GPR161: variants seen among roughly 807,000 people sequenced by gnomAD.
GPR161 encodes G-protein coupled receptor RE2.
A neutral mutation model predicts 39.2 loss-of-function variants in GPR161; 25 were observed. The ratio of observed to expected loss-of-function variants is 0.64; its 90% CI spans 0.47 to 0.89. The LOEUF (loss-of-function observed/expected upper bound fraction) is 0.89, where lower values mean the gene tolerates loss of function less well. Ranked by LOEUF, GPR161 falls within the 40% of genes least tolerant of loss-of-function variation. GPR161 has a pLI of 0.00. For synonymous variants in GPR161, 286 were observed against 276.6 expected, an observed-to-expected ratio of 1.03 and a Z score of -0.34; for missense variants, 547 against 677.8, an observed-to-expected ratio of 0.81 and a Z score of 2.14.
At chr1:168,120,084 A>G (rs1461684648) in intron 1 of GPR161, among the ~76,000 whole-genome samples, 1 of 152,216 alleles carries the variant, frequency 6.6e-6, no homozygotes, top group Non-Finnish European at 1.5e-5. Flanking sequence ...CCAGAAAGAT[A>G]GATCCACTGA....
chr1:168,107,142 A>G (rs1307980052), intron 1 of GPR161, among the ~76,000 whole-genome samples: 1 of 152,236 alleles, frequency 6.6e-6, no homozygotes, highest in African/African-American at 2.4e-5. Flanking sequence ...AATGAAATAA[A>G]GAGAGGAAAT....
At chr1:168,091,797 G>C (rs1695091514) in intron 3 of GPR161, among the ~76,000 whole-genome samples, 1 of 152,158 alleles carries the variant, frequency 6.6e-6, no homozygotes, top group African/African-American at 2.4e-5. Context: ...AAGGAACATG[G>C]AGATAACAAA....
intron 5 of GPR161, among the ~76,000 whole-genome samples, chr1:168,086,361 G>A (rs947597964): frequency 2.0e-5 from 3 of 152,198 alleles, no homozygotes; most frequent in African/African-American, 4.8e-5. Flanking sequence ...AGAAGTGAGA[G>A]GGGGGAGCCC....
intron 1 of GPR161, among the ~76,000 whole-genome samples, chr1:168,109,439 T>C (rs1696923540): frequency 2.0e-5 from 3 of 152,162 alleles, no homozygotes; most frequent in Non-Finnish European, 1.5e-5. Flanking sequence ...CAGAGGTTTT[T>C]AGGTGGCAGA....
intron 1 of GPR161, among the ~76,000 whole-genome samples, chr1:168,105,894 C>T (rs527656016): frequency 5.9e-5 from 9 of 152,356 alleles, no homozygotes; most frequent in Admixed American, 4.6e-4. Flanking sequence ...AAGGAAAGAT[C>T]GCTTTCCACG....
At chr1:168,107,708 T>G (rs537673906) in intron 1 of GPR161, among the ~76,000 whole-genome samples, 1 of 152,318 alleles carries the variant, frequency 6.6e-6, no homozygotes, top group African/African-American at 2.4e-5. Flanking sequence ...CACAGAAAGA[T>G]ATGCCCATGG....
Position 168,136,433 on chromosome 1 carries a change from G to A in GPR161, c.-45+306C>T, listed in dbSNP as rs1051818140. On this transcript the variant is annotated intron_variant, in intron 1 of 5. Coordinates refer to ENST00000682931, the MANE Select transcript of GPR161 (RefSeq NM_001375883.1). ...TTTAGGGGCTTCGGGCGGCGCCGGA[G>A]AAACGGGGCGGGCTGCACCCAGCAG... 12 of 1,353,214 alleles carry A rather than the reference G, an allele frequency of 8.9e-6. No homozygotes were observed. In the East Asian group the frequency reaches 2.1e-4, roughly 24 times the overall value. The allele number at this position is 1,353,214 out of a possible 1,614,324, so 83.8% of individuals were successfully genotyped here.
rs1276199500 is a variant in GPR161 at position 168,085,269 on chromosome 1, T to G, written c.*262A>C. On this transcript the variant is annotated 3_prime_UTR_variant, in exon 6 of 6. Transcript: ENST00000682931. ...CCACATCTCTAGATTTTTTTTTGGT[T>G]TTTTTTTTGCTTTAGATGCTTCTGG... is the stretch of plus-strand genomic sequence containing the variant. The G allele has an allele frequency of 1.8e-6, 1 of 544,052 alleles. No homozygotes were observed. The highest frequency in any genetic ancestry group is 3.3e-5 in the East Asian group (1 of 30,696). 33.7% of individuals were successfully genotyped at this position (544,052 alleles called of 1,614,324 possible). A position where few individuals can be genotyped will look rare whatever the true frequency, so the allele number is the denominator to read the frequency against.
chr1:168,123,798 C>A (rs568622295), intron 1 of GPR161, among the ~76,000 whole-genome samples: 98 of 152,164 alleles, frequency 6.4e-4, no homozygotes, highest in Non-Finnish European at 1.4e-3. Flanking sequence ...AGCAGAAAAT[C>A]CCTAAGGTGA....
chr1:168,128,487 G>A (rs1698753818), intron 1 of GPR161, among the ~76,000 whole-genome samples: 1 of 152,016 alleles, frequency 6.6e-6, no homozygotes, highest in African/African-American at 2.4e-5. Flanking sequence ...CCGAGGTTGA[G>A]AAAACCTGCT....
intron 1 of GPR161, among the ~76,000 whole-genome samples, chr1:168,124,984 T>C (rs1390114041): frequency 6.6e-6 from 1 of 152,214 alleles, no homozygotes; most frequent in African/African-American, 2.4e-5. Flanking sequence ...CCTTATAAAT[T>C]ACCCAGCCTC....
intron 1 of GPR161, among the ~76,000 whole-genome samples, chr1:168,126,207 G>A (rs1487553116): frequency 6.6e-6 from 1 of 152,152 alleles, no homozygotes; most frequent in Admixed American, 6.5e-5. Flanking sequence ...GGCAGGAGAG[G>A]ATGCATGCAG....
Position 168,096,583 on chromosome 1 carries a change from C to T in GPR161, c.1024G>A (p.Asp342Asn). 6.2e-7 allele frequency: 1 copy of T among 1,614,182 alleles called. No individual in the cohort carries two copies. The highest frequency in any genetic ancestry group is 8.5e-7 in the Non-Finnish European group (1 of 1,180,002). Residue 342 changes from aspartate to asparagine, a missense_variant, in exon 3 of 6, where the codon GAC becomes AAC. Asp to Asn is a conservative substitution (Grantham distance 23, BLOSUM62 1). Transcript: ENST00000682931. Reference sequence around the variant, plus strand: ...ACAAATGGTTCCCGATAATACCGGTCCCCAAAGCACATGCCCAGTAGTTCT... The same window carrying T: ...ACAAATGGTTCCCGATAATACCGGTTCCCAAAGCACATGCCCAGTAGTTCT... ...RKELLGMCFG[D>N]RYYREPFVQR...
chr1:168,097,944 C>T (rs535353984), intron 2 of GPR161, among the ~76,000 whole-genome samples: 7 of 152,336 alleles, frequency 4.6e-5, no homozygotes, highest in Non-Finnish European at 1.0e-4. Flanking sequence ...CCAGTGCACA[C>T]GCCCAGCAAT....
intron 1 of GPR161, among the ~76,000 whole-genome samples, chr1:168,117,995 C>T (rs1378274094): frequency 1.4e-5 from 2 of 145,242 alleles, no homozygotes; most frequent in Non-Finnish European, 3.0e-5. Flanking sequence ...AAGAAACAAA[C>T]AAATAAGTGG....
intron 1 of GPR161, among the ~76,000 whole-genome samples, chr1:168,107,453 G>C (rs1308494004): frequency 6.6e-6 from 1 of 152,144 alleles, no homozygotes; most frequent in Non-Finnish European, 1.5e-5. Context: ...TGGATTTATA[G>C]GAAGAGGAAG....
At position 168,130,236 on chromosome 1, in the gene GPR161, C is replaced by G. The variant is rs143877140; in HGVS notation, c.-45+6503G>C. Among the ~76,000 whole-genome samples the G allele has an allele frequency of 1.9e-3, 285 of 152,300 alleles. 1 individual carries two copies. Among genetic ancestry groups the G allele is most frequent in the African/African-American group, 6.3e-3 (261 of 41,568 alleles). On this transcript the variant is annotated intron_variant, in intron 1 of 5. Coordinates refer to ENST00000682931, the MANE Select transcript of GPR161 (RefSeq NM_001375883.1). The stretch of plus-strand genomic sequence containing the variant: ...GTCCAGCAGTTGCTCCTCTGGAGAC[C>G]CACCCTTTTCACACACCACATCCAT...
At chr1:168,105,014 C>T in intron 1 of GPR161, 120 bp from the exon 2 acceptor site, 1 of 700,486 alleles carries the variant, frequency 1.4e-6, no homozygotes, top group Non-Finnish European at 2.4e-6. Flanking sequence ...CCAGCTAGTA[C>T]AGACTCTCAG....
At chr1:168,085,824 A>ACTCTCTGCCACTCTCT in intron 5 of GPR161, 28 bp from the exon 6 acceptor site, 1 of 1,591,328 alleles carries the variant, frequency 6.3e-7, no homozygotes, top group Non-Finnish European at 8.6e-7. Context: ...AAAAAAAGTC[A>ACTCTCTGCCACTCTCT]GCTGAGGAGC....
Sources: gnomAD v4.1 joint callset for allele counts (sites outside exome capture counted in the v4.1 genomes callset) on GRCh38, gnomAD v4.1.1 for gene constraint, MANE v1.5 for transcripts, NCBI Gene and HGNC (gene_info 2026-07-23, HGNC 2026-07-21) for gene names.